The following UBASH3A variants were observed in gnomAD, a reference collection of about 807,000 sequenced individuals.
UBASH3A encodes the protein ubiquitin-associated and SH3 domain-containing protein A.
In UBASH3A, 63 loss-of-function variants were observed where a neutral mutation model predicts 73.5. The ratio of observed to expected loss-of-function variants is 0.86; its 90% CI spans 0.70 to 1.06. The LOEUF is 1.06. Ranked by LOEUF, UBASH3A falls within the 50% of genes least tolerant of loss-of-function variation. The pLI is 0.00. For missense variants in UBASH3A, 860 were observed against 859.0 expected (o/e 1.00, Z -0.02); for synonymous variants, 363 against 351.1 (o/e 1.03, Z -0.38).
Position 42,416,559 on chromosome 21 carries a change from G to C in UBASH3A, c.785G>C (p.Cys262Ser). 1 of 1,609,712 alleles carries C rather than the reference G, an allele frequency of 6.2e-7. No homozygotes were observed. Among genetic ancestry groups the C allele is most frequent in the Non-Finnish European group, 8.5e-7 (1 of 1,178,256 alleles). ...LARAIPLGHSCQWTAALYSRD... is the reference protein window; with the variant it reads ...LARAIPLGHSSQWTAALYSRD... ...AGAGCCATCCCCCTGGGCCACAGCT[G>C]CCAGTGGACCGCAGCACTCTACTCC... is the stretch of plus-strand genomic sequence containing the variant. Residue 262 changes from cysteine to serine, a missense_variant, in exon 6 of 15, where the codon TGC (cysteine) becomes TCC (serine). Coordinates refer to ENST00000319294, the MANE Select transcript of UBASH3A (RefSeq NM_018961.4).
At chr21:42,433,614 A>G (rs1279581000) in intron 9 of UBASH3A, among the ~76,000 whole-genome samples, 1 of 152,218 alleles carries the variant, frequency 6.6e-6, no homozygotes. Flanking sequence ...GCCTTTGAGA[A>G]CACAATGAAA....
At chr21:42,435,011 G>T (rs1019329818) in intron 10 of UBASH3A, 57 bp downstream of exon 10, 5 of 1,596,416 alleles carry the variant, frequency 3.1e-6, no homozygotes, top group Non-Finnish European at 4.3e-6. Flanking sequence ...ACTGATTATG[G>T]CTAGCAGGCA....
At position 42,426,787 on chromosome 21, in the gene UBASH3A, G is replaced by A. The variant is rs111888042; in HGVS notation, c.1137G>A (p.Thr379=). ...GCAGCGGGGAATTTCTTCCACAAAC[G>A]GCAAGGAGTCTTAGCAGCTTACAGG... ...SRCSGEFLPQ[T]ARSLSSLQAL... The change falls in exon 8 of 15, where the codon ACG becomes ACA. Residue 379 remains threonine (T), a synonymous_variant. Transcript: ENST00000319294. 6.1e-5 allele frequency: 98 copies of A among 1,614,000 alleles called. No homozygotes were observed. The highest frequency in any genetic ancestry group is 7.3e-5 in the Non-Finnish European group (86 of 1,180,008).
At chr21:42,419,963 A>G (rs2053304315) in intron 7 of UBASH3A, among the ~76,000 whole-genome samples, 1 of 152,242 alleles carries the variant, frequency 6.6e-6, no homozygotes, top group African/African-American at 2.4e-5. Context: ...GGTTAGGTGC[A>G]TTAAATGCAT....
intron 5 of UBASH3A, among the ~76,000 whole-genome samples, chr21:42,415,600 G>A (rs980153509): frequency 9.2e-5 from 14 of 152,164 alleles, no homozygotes; most frequent in Non-Finnish European, 1.6e-4. Flanking sequence ...CCGACACGGC[G>A]TCTCTAGCAG....
chr21:42,414,548 G>A (rs1395876406), intron 5 of UBASH3A, among the ~76,000 whole-genome samples: 2 of 152,192 alleles, frequency 1.3e-5, no homozygotes, highest in Non-Finnish European at 2.9e-5. Flanking sequence ...ACCTCACTTG[G>A]GAATAGGGCC....
Position 42,447,058 on chromosome 21 carries a change from T to A in UBASH3A, c.1850T>A (p.Ile617Asn), listed in dbSNP as rs759348975. ...AAGTGATTTAAAACTCTGTTCCAGA[T>A]CCCTTCCCTGGGCATGTGCTTCTGT... ...CGDFAQLVRKIPSLGMCFCEE... is the reference protein window; with the variant it reads ...CGDFAQLVRKNPSLGMCFCEE... The change falls in exon 15 of 15, where the codon ATC becomes AAC. Residue 617 changes from isoleucine (I) to asparagine (N), a missense_variant and splice_region_variant. Transcript: ENST00000319294. 2.2e-5 allele frequency: 35 copies of A among 1,612,192 alleles called. No homozygotes were observed. The highest frequency in any genetic ancestry group is 3.4e-6 in the Non-Finnish European group (4 of 1,179,434).
chr21:42,416,493 A>C lies in UBASH3A; in HGVS notation c.719A>C (p.Lys240Thr). ...CAGCTGCATCTGACCTTGGCCCACA[A>C]GTTCTACCCCCACCACCAGAGGACG... ...TKQLHLTLAH[K>T]FYPHHQRTLE... The change falls in exon 6 of 15, where the codon AAG becomes ACG. Residue 240 changes from lysine (K) to threonine (T), a missense_variant. By Grantham distance (78) the Lys-to-Thr change is moderately conservative. Coordinates refer to ENST00000319294, the MANE Select transcript of UBASH3A (RefSeq NM_018961.4). 1 of 1,604,452 alleles carries C rather than the reference A, an allele frequency of 6.2e-7. No individual in the cohort carries two copies. The highest frequency in any genetic ancestry group is 8.5e-7 in the Non-Finnish European group (1 of 1,175,896).
chr21:42,420,911 TG>T (rs2053326905), intron 7 of UBASH3A, among the ~76,000 whole-genome samples: 1 of 152,246 alleles, frequency 6.6e-6, no homozygotes, highest in South Asian at 2.1e-4. Context: ...TAGCATTTGA[TG>T]GGATAGCTAG....
In UBASH3A at chr21:42,413,201, A is replaced by T; in HGVS notation, c.532A>T (p.Thr178Ser). 6.2e-7 allele frequency: 1 copy of T among 1,614,202 alleles called. No individual in the cohort carries two copies. Among genetic ancestry groups the T allele is most frequent in the East Asian group, 2.2e-5 (1 of 44,886 alleles). The stretch of plus-strand genomic sequence containing the variant: ...CCGGGAATTCGCCATGACCTTCGCC[A>T]CGGAAGCATCTCTCTTAGCAGGTGG... ...VIREFAMTFA[T>S]EASLLAGTSV... Residue 178 changes from threonine (T) to serine (S), a missense_variant, in exon 4 of 15, where the codon ACG becomes TCG. Thr to Ser is a moderately conservative substitution (Grantham distance 58). Coordinates refer to ENST00000319294, the MANE Select transcript of UBASH3A (RefSeq NM_018961.4). This position sits in a 1 kb window ranked among gnomAD's most constrained non-coding sequence, Gnocchi z 4.5.
chr21:42,430,816 G>A (rs2053515048), intron 8 of UBASH3A, among the ~76,000 whole-genome samples: 1 of 152,254 alleles, frequency 6.6e-6, no homozygotes, highest in Admixed American at 6.5e-5. Flanking sequence ...CATGTCACAG[G>A]GAGGTTGAGG....
intron 11 of UBASH3A, among the ~76,000 whole-genome samples, chr21:42,441,846 A>C (rs1225136035): frequency 6.6e-6 from 1 of 152,204 alleles, no homozygotes; most frequent in Non-Finnish European, 1.5e-5. Context: ...CTCCATTCCC[A>C]GTGAAAACAT....
chr21:42,412,911 C>T (rs1601562461), intron 3 of UBASH3A, 113 bp from the exon 4 acceptor site: 3 of 939,790 alleles, frequency 3.2e-6, no homozygotes, highest in Non-Finnish European at 3.3e-6. Flanking sequence ...TGTTACAGCG[C>T]TTTGAACAGA....
chr21:42,431,036 C>A (rs2053519296), intron 8 of UBASH3A, among the ~76,000 whole-genome samples: 1 of 152,218 alleles, frequency 6.6e-6, no homozygotes, highest in Admixed American at 6.5e-5. Context: ...TGGTGCAGGG[C>A]TTATGCTCCA....
rs2053268466 is a variant in UBASH3A, at chr21:42,418,495, A to T, written c.932A>T (p.Asp311Val). The T allele has an allele frequency of 1.2e-6, 2 of 1,614,140 alleles. No homozygotes were observed. Among genetic ancestry groups the T allele is most frequent in the Admixed American group, 3.3e-5 (2 of 60,012 alleles). Reference sequence around the variant, plus strand: ...ATCTTTGTGGACCCCACGCAGCAGGACGAAGCCAGCGAGGGCTGGGTGATT... The same window carrying T: ...ATCTTTGTGGACCCCACGCAGCAGGTCGAAGCCAGCGAGGGCTGGGTGATT... ...DYIFVDPTQQDEASEGWVIGI... is the reference protein window; with the variant it reads ...DYIFVDPTQQVEASEGWVIGI... The change falls in exon 7 of 15, where the codon GAC (aspartate) becomes GTC (valine). Residue 311 changes from aspartate (D) to valine (V), a missense_variant. Asp to Val is a radical substitution (Grantham distance 152). Transcript: ENST00000319294.
chr21:42,438,218 G>A (rs1300963338), intron 11 of UBASH3A, among the ~76,000 whole-genome samples: 1 of 152,188 alleles, frequency 6.6e-6, no homozygotes, highest in Non-Finnish European at 1.5e-5. Flanking sequence ...ATGCGAGAGA[G>A]CATGTCGCCT....
At chr21:42,432,408 A>G (rs1395737925) in intron 9 of UBASH3A, among the ~76,000 whole-genome samples, 2 of 133,956 alleles carry the variant, frequency 1.5e-5, no homozygotes, top group African/African-American at 6.5e-5. Context: ...CTGTGTTGGA[A>G]CCTCTCCAAC....
At chr21:42,408,284 T>G (rs1383529401) in intron 2 of UBASH3A, among the ~76,000 whole-genome samples, 1 of 152,252 alleles carries the variant, frequency 6.6e-6, no homozygotes, top group Non-Finnish European at 1.5e-5. Flanking sequence ...AATTAGAAAT[T>G]CTTCCAAACC....
intron 10 of UBASH3A, among the ~76,000 whole-genome samples, chr21:42,436,528 C>A (rs917009784): frequency 2.0e-5 from 3 of 152,194 alleles, no homozygotes; most frequent in Non-Finnish European, 2.9e-5. Context: ...TGGATTAGAG[C>A]CCACCCTAAT....
Sources: allele counts gnomAD v4.1 joint callset (sites outside exome capture counted in the v4.1 genomes callset), GRCh38; gene constraint gnomAD v4.1.1; non-coding constraint Gnocchi (gnomAD v3.1); transcripts MANE v1.5; gene names NCBI Gene and HGNC (gene_info 2026-07-23, HGNC 2026-07-21).